EXOC3L4: variants seen among roughly 807,000 people sequenced by gnomAD.
The protein encoded by EXOC3L4 is exocyst complex component 3-like protein 4.
EXOC3L4 carries 62 observed loss-of-function variants against 69.7 expected under a neutral mutation model. The observed-to-expected ratio is 0.89, with a 90% CI of 0.72 to 1.10. The LOEUF (loss-of-function observed/expected upper bound fraction) is 1.10. EXOC3L4 is among the 50% of genes least tolerant of loss of function. The probability of loss-of-function intolerance (pLI) is 0.00; values close to 1 mark genes in which losing one functional copy is unlikely to be tolerated. For missense variants in EXOC3L4, 1,087 were observed against 1,034.8 expected (o/e 1.05, Z -0.69); for synonymous variants, 502 against 464.2 (o/e 1.08, Z -1.05).
intron 11 of EXOC3L4, among the ~76,000 whole-genome samples, 167 bp downstream of exon 11, chr14:103,108,684 A>G (rs556935029): frequency 5.3e-5 from 8 of 152,152 alleles, no homozygotes; most frequent in African/African-American, 1.4e-4. Flanking sequence ...GGGAATGGAG[A>G]GAGCCCCTTC....
intron 1 of EXOC3L4, among the ~76,000 whole-genome samples, chr14:103,099,961 T>C (rs1055023938): frequency 6.6e-6 from 1 of 152,180 alleles, no homozygotes; most frequent in Non-Finnish European, 1.5e-5. Flanking sequence ...AGACCCTTTT[T>C]GGGGGATGGT....
At position 103,102,818 on chromosome 14, in the gene EXOC3L4, C is replaced by A. The variant is rs142821429; in HGVS notation, c.1049+46C>A. On this transcript the variant is annotated intron_variant, in intron 3 of 11. Transcript: ENST00000688303. The stretch of plus-strand genomic sequence containing the variant: ...CCAGTGGCGAGGACAGCTGCCGCTT[C>A]CTCCGCAGGCCTTGGGGAGCCGGCT... 852 of 1,308,586 alleles carry A rather than the reference C, an allele frequency of 6.5e-4. 5 individuals are homozygous for A. In the African/African-American group the frequency reaches 0.012, roughly 18 times the overall value. The allele number at this position is 1,308,586 out of a possible 1,614,324, so 81.1% of individuals were successfully genotyped here.
intron 1 of EXOC3L4, among the ~76,000 whole-genome samples, chr14:103,096,346 C>T (rs1889882929): frequency 6.6e-6 from 1 of 150,714 alleles, no homozygotes; most frequent in African/African-American, 2.4e-5. Flanking sequence ...AGTGACACAG[C>T]GAGACCTCGT....
chr14:103,095,401 G>A (rs1889847814), intron 1 of EXOC3L4, among the ~76,000 whole-genome samples: 1 of 152,222 alleles, frequency 6.6e-6, no homozygotes, highest in South Asian at 2.1e-4. Context: ...AGCAGGAGGT[G>A]CCGAACATGG....
In EXOC3L4 at chr14:103,100,360, G is replaced by C. The variant is rs1403589366; in HGVS notation, c.141G>C (p.Arg47Ser). The change falls in exon 2 of 12, where the codon AGG (arginine) becomes AGC (serine). Residue 47 changes from arginine (R) to serine (S), a missense_variant. Coordinates refer to ENST00000688303, the MANE Select transcript of EXOC3L4 (RefSeq NM_001077594.2). ...ATGCCCACCGCAAGGATGGCACAAG[G>C]CTGGGCCTGGGCTCCCTGAGGCAGG... ...EPNAHRKDGT[R>S]LGLGSLRQAF... is the part of the protein sequence containing the mutation. The C allele has an allele frequency of 1.2e-6, 2 of 1,605,028 alleles. No individual in the cohort carries two copies. Among genetic ancestry groups the C allele is most frequent in the Non-Finnish European group, 1.7e-6 (2 of 1,175,582 alleles).
Position 103,102,386 on chromosome 14 carries a change from G to A in EXOC3L4, c.663G>A (p.Glu221=). ...LAELARVVSA[E]EEAHPSPPDD... is the part of the protein sequence containing the mutation. ...AGCTGGCCCGCGTGGTGAGCGCGGA[G>A]GAGGAAGCCCACCCTTCTCCCCCCG... The change falls in exon 3 of 12, where the codon GAG becomes GAA. Residue 221 remains glutamate (E), a synonymous_variant. Transcript: ENST00000688303. 6.4e-7 allele frequency: 1 copy of A among 1,557,206 alleles called. No homozygotes were observed. Among genetic ancestry groups the A allele is most frequent in the Non-Finnish European group, 8.6e-7 (1 of 1,158,704 alleles).
At position 103,110,481 on chromosome 14, in the gene EXOC3L4, C is replaced by T. The variant is rs1027403691; in HGVS notation, c.*258C>T. 58 of 614,532 alleles carry T rather than the reference C, an allele frequency of 9.4e-5. No individual in the cohort carries two copies. The highest frequency in any genetic ancestry group is 1.8e-4 in the South Asian group (11 of 62,848). The allele number at this position is 614,532 out of a possible 1,614,324, so 38.1% of individuals were successfully genotyped here. On this transcript the variant is annotated 3_prime_UTR_variant, in exon 12 of 12. Coordinates refer to ENST00000688303, the MANE Select transcript of EXOC3L4 (RefSeq NM_001077594.2). ...GCCTATCGGGCGGGGGGGGGCCTCC[C>T]GCCCGACTGTCCAGCTTCACCCTCC...
chr14:103,109,931 T>C, intron 11 of EXOC3L4, 100 bp from the exon 12 acceptor site: 2 of 1,244,522 alleles, frequency 1.6e-6, no homozygotes, highest in Non-Finnish European at 2.2e-6. Flanking sequence ...GAATGCAGAG[T>C]GACTCATACT....
intron 2 of EXOC3L4, among the ~76,000 whole-genome samples, chr14:103,100,943 C>G (rs1890156618): frequency 6.7e-6 from 1 of 148,500 alleles, no homozygotes. Flanking sequence ...CACTCTATCA[C>G]CCAGGCTGGA....
intron 1 of EXOC3L4, among the ~76,000 whole-genome samples, chr14:103,096,178 C>T (rs1300442170): frequency 6.6e-6 from 1 of 152,038 alleles, no homozygotes; most frequent in Admixed American, 6.6e-5. Flanking sequence ...CATAATGAGA[C>T]CCCTGTCTCT....
At chr14:103,107,335 G>A in intron 8 of EXOC3L4, 89 bp from the exon 9 acceptor site, 1 of 1,541,254 alleles carries the variant, frequency 6.5e-7, no homozygotes, top group Non-Finnish European at 8.8e-7. Flanking sequence ...AGGAGGGAAG[G>A]GGTCAGGAGT....
intron 1 of EXOC3L4, among the ~76,000 whole-genome samples, chr14:103,095,932 A>G (rs1305607175): frequency 1.3e-5 from 2 of 152,090 alleles, no homozygotes; most frequent in Non-Finnish European, 2.9e-5. Flanking sequence ...TTCTTTCCTT[A>G]TTGCCTTAAC....
At chr14:103,098,953 T>C (rs1382490821) in intron 1 of EXOC3L4, 1 of 146,196 alleles carries the variant, frequency 6.8e-6, no homozygotes. Flanking sequence ...GCAGGCACCT[T>C]GCTGGAGGGC....
chr14:103,104,384 C>T lies in EXOC3L4; in HGVS notation c.1279C>T (p.His427Tyr). 1 of 1,573,954 alleles carries T rather than the reference C, an allele frequency of 6.4e-7. No homozygotes were observed. The highest frequency in any genetic ancestry group is 8.6e-7 in the Non-Finnish European group (1 of 1,161,432). ...LYQAPLSMDVHMLVAEHVKAA... is the reference protein window; with the variant it reads ...LYQAPLSMDVYMLVAEHVKAA... The stretch of plus-strand genomic sequence containing the variant: ...CCAGGCGCCGCTGTCCATGGACGTC[C>T]ATATGGTGCGGCCCGGGAGCAGGGG... The change falls in exon 5 of 12, where the codon CAT becomes TAT. Residue 427 changes from histidine (H) to tyrosine (Y), a missense_variant. By Grantham distance (83) the His-to-Tyr change is moderately conservative. Coordinates refer to ENST00000688303, the MANE Select transcript of EXOC3L4 (RefSeq NM_001077594.2).
At chr14:103,095,187 C>T (rs769479478) in intron 1 of EXOC3L4, among the ~76,000 whole-genome samples, 7 of 152,204 alleles carry the variant, frequency 4.6e-5, no homozygotes, top group East Asian at 3.9e-4. Context: ...GCAAAACCGA[C>T]GCCCAGAAAA....
Position 103,097,638 on chromosome 14 carries a change from C to T in EXOC3L4, c.-16-2566C>T, listed in dbSNP as rs1397029772. Reference sequence around the variant, plus strand: ...GGTAGATGGACAGAGGCTGCCAGCCCAGTGCAGGAGGGCCACATCATCACA... The same window carrying T: ...GGTAGATGGACAGAGGCTGCCAGCCTAGTGCAGGAGGGCCACATCATCACA... On this transcript the variant is annotated intron_variant, in intron 1 of 11. Coordinates refer to ENST00000688303, the MANE Select transcript of EXOC3L4 (RefSeq NM_001077594.2). The surrounding 1 kb of genome is among the most constrained non-coding windows in gnomAD (Gnocchi z 4.9). Among the ~76,000 whole-genome samples, 1 of 152,180 alleles carries T rather than the reference C, an allele frequency of 6.6e-6. No individual in the cohort carries two copies. Among genetic ancestry groups the T allele is most frequent in the African/African-American group, 2.4e-5 (1 of 41,448 alleles).
rs1049574749 is a variant in EXOC3L4 at position 103,100,284 on chromosome 14, C to A, written c.65C>A (p.Pro22Gln). The A allele has an allele frequency of 7.6e-6, 12 of 1,578,886 alleles. No homozygotes were observed. In the African/African-American group the frequency reaches 1.3e-4, roughly 18 times the overall value. Residue 22 changes from proline to glutamine, a missense_variant, in exon 2 of 12, where the codon CCA (proline) becomes CAA (glutamine). Pro to Gln is a moderately conservative substitution (Grantham distance 76). Coordinates refer to ENST00000688303, the MANE Select transcript of EXOC3L4 (RefSeq NM_001077594.2). ...ELQSPKEAEE[P>Q]QTPAQGSRRT... is the part of the protein sequence containing the mutation. Reference sequence around the variant, plus strand: ...CAGAGTCCCAAGGAGGCTGAGGAGCCACAGACTCCAGCTCAGGGCTCCCGG... The same window carrying A: ...CAGAGTCCCAAGGAGGCTGAGGAGCAACAGACTCCAGCTCAGGGCTCCCGG...
At chr14:103,101,138 C>T (rs1001061676) in intron 2 of EXOC3L4, among the ~76,000 whole-genome samples, 2 of 152,070 alleles carry the variant, frequency 1.3e-5, no homozygotes, top group African/African-American at 4.8e-5. Flanking sequence ...GAGCTCCTGA[C>T]CTCGCGATCC....
chr14:103,104,225 G>T, intron 4 of EXOC3L4, 42 bp from the exon 5 acceptor site: 2 of 1,524,794 alleles, frequency 1.3e-6, no homozygotes, highest in African/African-American at 1.4e-5. Flanking sequence ...GCGGGACGGG[G>T]TCTGGGAGGG....
Sources: gnomAD v4.1 joint callset for allele counts (sites outside exome capture counted in the v4.1 genomes callset) on GRCh38, gnomAD v4.1.1 for gene constraint, Gnocchi (gnomAD v3.1) non-coding constraint, MANE v1.5 for transcripts, NCBI Gene and HGNC (gene_info 2026-07-23, HGNC 2026-07-21) for gene names.